The following SPTLC2 variants were observed in gnomAD, a reference collection of about 807,000 sequenced individuals.
SPTLC2 encodes serine palmitoyltransferase 2.
In SPTLC2, 21 loss-of-function variants were observed where a neutral mutation model predicts 62.0. The observed-to-expected ratio is 0.34, with a 90% CI of 0.24 to 0.49. The LOEUF (loss-of-function observed/expected upper bound fraction) is 0.49. SPTLC2 is among the 20% of genes least tolerant of loss of function. The probability of loss-of-function intolerance (pLI) is 0.99; values close to 1 mark genes in which losing one functional copy is unlikely to be tolerated. For missense variants in SPTLC2, 511 were observed against 713.0 expected (o/e 0.72, Z 3.23); for synonymous variants, 261 against 261.8 (o/e 1.00, Z 0.03).
chr14:77,605,159 G>A lies in SPTLC2; in HGVS notation c.133-7779C>T, dbSNP rs189031333. ...CCAGAGTAGCTGAGACTATACAAGTGCCCGCCACCATACCTGGTTAATTTT... is the reference window on the plus strand; with the variant it reads ...CCAGAGTAGCTGAGACTATACAAGTACCCGCCACCATACCTGGTTAATTTT... On this transcript the variant is annotated intron_variant, in intron 1 of 11. Transcript: ENST00000216484. Among the ~76,000 whole-genome samples, 172 of 151,304 alleles carry A rather than the reference G, an allele frequency of 1.1e-3. 1 individual carries two copies. Among genetic ancestry groups the A allele is most frequent in the Admixed American group, 1.3e-3 (20 of 15,218 alleles).
intron 2 of SPTLC2, among the ~76,000 whole-genome samples, chr14:77,585,663 T>A (rs2079777081): frequency 6.6e-6 from 1 of 152,172 alleles, no homozygotes; most frequent in African/African-American, 2.4e-5. Context: ...GAAAAAAAAC[T>A]GGGACAAGTA....
intron 2 of SPTLC2, 60 bp from the exon 3 acceptor site, chr14:77,579,169 T>A: frequency 6.4e-7 from 1 of 1,558,620 alleles, no homozygotes; most frequent in Admixed American, 1.7e-5. Flanking sequence ...AAAAATTTTT[T>A]AACAGATGAC....
In SPTLC2 at chr14:77,512,068, T is replaced by G. The variant is rs2079334959; in HGVS notation, c.*216A>C. 1 of 614,292 alleles carries G rather than the reference T, an allele frequency of 1.6e-6. No homozygotes were observed. The highest frequency in any genetic ancestry group is 3.0e-5 in the Admixed American group (1 of 33,364). 38.1% of individuals were successfully genotyped at this position (614,292 alleles called of 1,614,324 possible). A position where few individuals can be genotyped will look rare whatever the true frequency, so the allele number is the denominator to read the frequency against. ...GACTGAAAAAGCAAAGTGAGTCACC[T>G]TCGTTTTTAAAGGTGAGATTTAGCA... is the stretch of plus-strand genomic sequence containing the variant. On this transcript the variant is annotated 3_prime_UTR_variant, in exon 12 of 12. Transcript: ENST00000216484.
At chr14:77,540,047 T>C (rs1216568042) in intron 9 of SPTLC2, among the ~76,000 whole-genome samples, 1 of 151,794 alleles carries the variant, frequency 6.6e-6, no homozygotes, top group Non-Finnish European at 1.5e-5. Flanking sequence ...AAATACAAAA[T>C]GAGCCAGGTG....
intron 2 of SPTLC2, among the ~76,000 whole-genome samples, chr14:77,580,477 CAA>C (rs370432060): frequency 2.7e-5 from 3 of 109,858 alleles, no homozygotes; most frequent in Non-Finnish European, 1.8e-5. Flanking sequence ...GACTCCATAT[CAA>C]AAAAAAAAAA....
intron 2 of SPTLC2, among the ~76,000 whole-genome samples, chr14:77,586,880 A>C (rs1047148552): frequency 3.9e-5 from 6 of 152,162 alleles, no homozygotes; most frequent in Admixed American, 1.3e-4. Context: ...ATACCAATTG[A>C]ACTGGCAAAA....
At chr14:77,606,756 G>A (rs2079907521) in intron 1 of SPTLC2, among the ~76,000 whole-genome samples, 1 of 152,212 alleles carries the variant, frequency 6.6e-6, no homozygotes, top group South Asian at 2.1e-4. Context: ...GGAGGCCAAG[G>A]CGGGAGGATT....
At chr14:77,539,233 C>A (rs1023529697) in intron 9 of SPTLC2, among the ~76,000 whole-genome samples, 4 of 151,512 alleles carry the variant, frequency 2.6e-5, no homozygotes, top group African/African-American at 9.7e-5. Context: ...TGGGAAAAAA[C>A]AGAAACAAAT....
intron 2 of SPTLC2, among the ~76,000 whole-genome samples, chr14:77,593,133 A>G (rs1366971679): frequency 3.9e-5 from 6 of 152,078 alleles, no homozygotes; most frequent in African/African-American, 1.4e-4. Flanking sequence ...AAATTAAAAA[A>G]TAAGTGAGAA....
intron 4 of SPTLC2, among the ~76,000 whole-genome samples, 189 bp downstream of exon 4, chr14:77,576,578 C>T (rs943379706): frequency 1.3e-5 from 2 of 152,226 alleles, no homozygotes; most frequent in African/African-American, 2.4e-5. Context: ...GAAAGATAAA[C>T]ACATCTCAAA....
At chr14:77,526,355 A>T (rs1238315956) in intron 9 of SPTLC2, among the ~76,000 whole-genome samples, 1 of 152,266 alleles carries the variant, frequency 6.6e-6, no homozygotes, top group Non-Finnish European at 1.5e-5. Context: ...CTGTTTAAAA[A>T]AATACTGCTC....
At chr14:77,581,226 T>C (rs971701659) in intron 2 of SPTLC2, among the ~76,000 whole-genome samples, 12 of 152,174 alleles carry the variant, frequency 7.9e-5, no homozygotes, top group Non-Finnish European at 1.6e-4. Flanking sequence ...TTAAGCCTTA[T>C]TCTGTAAAAG....
At chr14:77,572,329 TATTA>T (rs2079688671) in intron 4 of SPTLC2, among the ~76,000 whole-genome samples, 1 of 152,246 alleles carries the variant, frequency 6.6e-6, no homozygotes, top group South Asian at 2.1e-4. Flanking sequence ...CTCAATTTTT[TATTA>T]ATTAGTGGAC....
intron 9 of SPTLC2, among the ~76,000 whole-genome samples, chr14:77,542,153 T>C (rs2079504631): frequency 6.8e-6 from 1 of 146,326 alleles, no homozygotes; most frequent in Non-Finnish European, 1.5e-5. Context: ...AGAGGGAGAG[T>C]AGAGCATGTA....
intron 2 of SPTLC2, 137 bp from the exon 3 acceptor site, chr14:77,579,246 T>A: frequency 1.2e-6 from 1 of 850,084 alleles, no homozygotes; most frequent in Non-Finnish European, 1.9e-6. Context: ...GATTGTGTAA[T>A]GGACAAGTCA....
intron 1 of SPTLC2, among the ~76,000 whole-genome samples, chr14:77,614,457 A>G (rs913120800): frequency 1.3e-5 from 2 of 151,874 alleles, no homozygotes; most frequent in Non-Finnish European, 2.9e-5. Context: ...GAGGTCAGGA[A>G]ATCAAGACCA....
intron 4 of SPTLC2, among the ~76,000 whole-genome samples, chr14:77,573,578 A>T (rs548309314): frequency 6.6e-6 from 1 of 152,162 alleles, no homozygotes; most frequent in Non-Finnish European, 1.5e-5. Flanking sequence ...TAGAAAGGGG[A>T]AATTTGGACA....
chr14:77,595,609 G>T (rs1260152761), intron 2 of SPTLC2, among the ~76,000 whole-genome samples: 1 of 152,144 alleles, frequency 6.6e-6, no homozygotes, highest in Non-Finnish European at 1.5e-5. Context: ...AGTTCTCCCA[G>T]GAGCCACTTT....
chr14:77,572,515 T>C (rs369357122), intron 4 of SPTLC2, among the ~76,000 whole-genome samples: 1 of 152,220 alleles, frequency 6.6e-6, no homozygotes, highest in South Asian at 2.1e-4. Context: ...AATGAGGTCA[T>C]TCATTGGTTT....
Sources: allele counts gnomAD v4.1 joint callset (sites outside exome capture counted in the v4.1 genomes callset), GRCh38; gene constraint gnomAD v4.1.1; transcripts MANE v1.5; gene names NCBI Gene and HGNC (gene_info 2026-07-23, HGNC 2026-07-21).